The following ROBO1 variants were observed in gnomAD, a reference collection of about 807,000 sequenced individuals.
ROBO1 encodes roundabout homolog 1.
ROBO1 carries 149 observed loss-of-function variants against 195.9 expected under a neutral mutation model. The observed-to-expected ratio is 0.76, with a 90% CI of 0.67 to 0.87. The LOEUF (loss-of-function observed/expected upper bound fraction) is 0.87, where lower values mean the gene tolerates loss of function less well. Among genes scored for constraint, ROBO1 ranks in the 40% least tolerant of loss-of-function variants. The pLI, the probability that ROBO1 is intolerant of heterozygous loss-of-function variation, is 0.00. For synonymous variants in ROBO1, 816 were observed against 733.2 expected (o/e 1.11, Z -1.82); for missense variants, 1,933 against 2,068.3 (o/e 0.93, Z 1.27).
At chr3:79,064,447 GTCTC>G (rs1212974700) in intron 3 of ROBO1, among the ~76,000 whole-genome samples, 6 of 151,858 alleles carry the variant, frequency 4.0e-5, no homozygotes, top group Non-Finnish European at 8.8e-5. Context: ...AATATAACAA[GTCTC>G]TCTAATGTTT....
chr3:79,695,362 T>C (rs1207037542), intron 1 of ROBO1, among the ~76,000 whole-genome samples: 1 of 151,644 alleles, frequency 6.6e-6, no homozygotes, highest in Non-Finnish European at 1.5e-5. Context: ...ACGATGTGAG[T>C]ATTCAATACA....
chr3:79,182,675 G>A (rs1011537700), intron 2 of ROBO1, among the ~76,000 whole-genome samples: 9 of 152,000 alleles, frequency 5.9e-5, no homozygotes, highest in Middle Eastern at 3.2e-3. Context: ...ATATAAAGAG[G>A]AGCAGACTTT....
intron 2 of ROBO1, among the ~76,000 whole-genome samples, chr3:79,358,093 C>T (rs182237911): frequency 6.4e-4 from 98 of 152,126 alleles, no homozygotes; most frequent in African/African-American, 2.2e-3. Flanking sequence ...ATTCTGGCTT[C>T]GTCACTTACA....
At chr3:78,763,895 G>A (rs2083165307) in intron 4 of ROBO1, among the ~76,000 whole-genome samples, 1 of 152,144 alleles carries the variant, frequency 6.6e-6, no homozygotes, top group Admixed American at 6.6e-5. Flanking sequence ...TAGAAAGTGT[G>A]AACATTTTAA....
chr3:78,784,849 C>A (rs1297209357), intron 4 of ROBO1, among the ~76,000 whole-genome samples: 2 of 152,122 alleles, frequency 1.3e-5, no homozygotes, highest in Admixed American at 6.5e-5. Flanking sequence ...GAAAAGTTTT[C>A]TCTTGTCCCT....
At chr3:79,748,057 C>T (rs898044543) in intron 1 of ROBO1, among the ~76,000 whole-genome samples, 3 of 151,994 alleles carry the variant, frequency 2.0e-5, no homozygotes, top group Admixed American at 6.6e-5. Context: ...AAAAATACTA[C>T]TGCAGATTTT....
chr3:78,922,631 T>A lies in ROBO1; in HGVS notation c.499+15970A>T, dbSNP rs546129821. On this transcript the variant is annotated intron_variant, in intron 4 of 30. Coordinates refer to ENST00000464233, the MANE Select transcript of ROBO1 (RefSeq NM_002941.4). ...TTTTTTTTTTTTTTTTTTGACAGAG[T>A]CTCATTCTTGTTCTGTCACCCAGGC... 5.6e-4 allele frequency among the ~76,000 whole-genome samples: 76 copies of A among 136,394 alleles called. 1 individual carries two copies. Among genetic ancestry groups the A allele is most frequent in the Admixed American group, 1.1e-3 (14 of 12,916 alleles). The allele number at this position is 136,394 out of a possible 152,430, so 89.5% of individuals were successfully genotyped here. A position where few individuals can be genotyped will look rare whatever the true frequency, so the allele number is the denominator to read the frequency against.
At chr3:78,754,680 T>C (rs2082882629) in intron 4 of ROBO1, among the ~76,000 whole-genome samples, 1 of 152,168 alleles carries the variant, frequency 6.6e-6, no homozygotes. Flanking sequence ...GTTCTATAGT[T>C]GTAGTGCTTG....
intron 2 of ROBO1, among the ~76,000 whole-genome samples, chr3:79,458,513 C>T (rs1178848332): frequency 6.6e-6 from 1 of 151,932 alleles, no homozygotes; most frequent in African/African-American, 2.4e-5. Flanking sequence ...GTATCTTCAC[C>T]CTGACATTTT....
intron 3 of ROBO1, among the ~76,000 whole-genome samples, chr3:79,087,414 A>G (rs116093420): frequency 6.4e-4 from 98 of 152,172 alleles, no homozygotes; most frequent in African/African-American, 2.3e-3. Context: ...TAATGATGTG[A>G]TTAGTAAAAG....
intron 5 of ROBO1, among the ~76,000 whole-genome samples, chr3:78,738,331 A>T (rs927737720): frequency 6.6e-6 from 1 of 152,146 alleles, no homozygotes; most frequent in Non-Finnish European, 1.5e-5. Context: ...ACCTGATGAC[A>T]TACTCCATTC....
intron 3 of ROBO1, among the ~76,000 whole-genome samples, chr3:79,088,016 G>C (rs907541101): frequency 3.3e-5 from 5 of 152,068 alleles, no homozygotes; most frequent in African/African-American, 1.2e-4. Flanking sequence ...AAGGAAAAAG[G>C]TTCTTTCTGT....
At position 78,985,373 on chromosome 3, in the gene ROBO1, C is replaced by A. The variant is rs775356473; in HGVS notation, c.173-46446G>T. Among the ~76,000 whole-genome samples, 163 of 152,100 alleles carry A rather than the reference C, an allele frequency of 1.1e-3. 1 individual carries two copies. The highest frequency in any genetic ancestry group is 3.2e-4 in the Non-Finnish European group (22 of 68,026). On this transcript the variant is annotated intron_variant, in intron 3 of 30. Transcript: ENST00000464233. ...TACAGCTTATAATACATATAACATACAAAATACATGTTAATTCACTGTTTA... is the reference window on the plus strand; with the variant it reads ...TACAGCTTATAATACATATAACATAAAAAATACATGTTAATTCACTGTTTA...
chr3:79,328,351 G>A (rs1489490963), intron 2 of ROBO1, among the ~76,000 whole-genome samples: 1 of 152,104 alleles, frequency 6.6e-6, no homozygotes, highest in African/African-American at 2.4e-5. Context: ...GCCTCAGTAA[G>A]AACATTCGCT....
rs563596908 is a variant in ROBO1, at chr3:79,478,393, C to A, written c.88+111431G>T. ...GAACTGAATCTGCAGACCAACCCCC[C>A]CACCCCCCAAAAAAAAGACTTACAT... On this transcript the variant is annotated intron_variant, in intron 2 of 30. Coordinates refer to ENST00000464233, the MANE Select transcript of ROBO1 (RefSeq NM_002941.4). Among the ~76,000 whole-genome samples the A allele has an allele frequency of 7.4e-5, 11 of 148,562 alleles. No individual in the cohort carries two copies. The South Asian group carries it at 1.9e-3, about 26-fold the overall frequency.
At chr3:79,519,400 A>G (rs1483462752) in intron 2 of ROBO1, among the ~76,000 whole-genome samples, 1 of 151,894 alleles carries the variant, frequency 6.6e-6, no homozygotes, top group Non-Finnish European at 1.5e-5. Flanking sequence ...GGAGGCCGAA[A>G]CGGGTGGATC....
chr3:78,889,707 C>A (rs62257515), intron 4 of ROBO1, among the ~76,000 whole-genome samples: 3 of 133,664 alleles, frequency 2.2e-5, no homozygotes, highest in Admixed American at 7.5e-5. Flanking sequence ...GAAAATAACT[C>A]CAAGAAAAAA....
At position 79,078,809 on chromosome 3, in the gene ROBO1, C is replaced by T. The variant is rs1354311835; in HGVS notation, c.172+46647G>A. On this transcript the variant is annotated intron_variant, in intron 3 of 30. Transcript: ENST00000464233. ...AAATCATTATCTTACCAAAGGGAACCAAATAATTAGTGAAGCTAGATTCAA... is the reference window on the plus strand; with the variant it reads ...AAATCATTATCTTACCAAAGGGAACTAAATAATTAGTGAAGCTAGATTCAA... Among the ~76,000 whole-genome samples the T allele has an allele frequency of 3.3e-5, 5 of 151,772 alleles. No homozygotes were observed. In the South Asian group the frequency reaches 6.2e-4, roughly 19 times the overall value.
chr3:78,684,026 A>G (rs1238564829), intron 10 of ROBO1, among the ~76,000 whole-genome samples: 1 of 152,142 alleles, frequency 6.6e-6, no homozygotes, highest in African/African-American at 2.4e-5. Context: ...TATTTCAAAT[A>G]CATGGGAAAA....
Sources: allele counts gnomAD v4.1 joint callset (sites outside exome capture counted in the v4.1 genomes callset), GRCh38; gene constraint gnomAD v4.1.1; transcripts MANE v1.5; gene names NCBI Gene and HGNC (gene_info 2026-07-23, HGNC 2026-07-21).